Variants in ROPN1L observed in about 807,000 individuals in gnomAD.
ROPN1L encodes the protein ropporin-1-like protein.
Under a neutral mutation model 22.7 loss-of-function variants are expected in ROPN1L, and 23 were observed. The observed-to-expected ratio is 1.01, with a 90% CI of 0.73 to 1.43. The LOEUF (loss-of-function observed/expected upper bound fraction) is 1.43, where lower values mean the gene tolerates loss of function less well. ROPN1L is among the 40% of genes most tolerant of loss of function. ROPN1L has a pLI of 0.00. For missense variants in ROPN1L, 271 were observed against 291.5 expected (o/e 0.93, Z 0.51); for synonymous variants, 116 against 117.8 (o/e 0.98, Z 0.10).
chr5:10,447,220 C>T (rs1741096374), intron 1 of ROPN1L, among the ~76,000 whole-genome samples: 1 of 152,186 alleles, frequency 6.6e-6, no homozygotes, highest in African/African-American at 2.4e-5. Context: ...GATGTGGCTT[C>T]AGCATCGCCA....
Position 10,461,369 on chromosome 5 carries a change from CA to C in ROPN1L, c.593+11del. On this transcript the variant is annotated intron_variant, in intron 4 of 4. Coordinates refer to ENST00000274134, the MANE Select transcript of ROPN1L (RefSeq NM_031916.5). ...CTCTAAAGGAAAATATGTAAGTATG[CA>C]CCCTCTCTAGGATTCAGGTATGTTG... The C allele has an allele frequency of 6.2e-7, 1 of 1,609,250 alleles. No individual in the cohort carries two copies.
downstream of ROPN1L, among the ~76,000 whole-genome samples, chr5:10,476,463 A>G (rs1418238895): frequency 6.6e-6 from 1 of 152,272 alleles, no homozygotes; most frequent in Non-Finnish European, 1.5e-5. Context: ...GTCCTTGTGC[A>G]TCTGCTAGGG....
At chr5:10,454,684 C>A (rs531073111) in intron 3 of ROPN1L, among the ~76,000 whole-genome samples, 2 of 152,338 alleles carry the variant, frequency 1.3e-5, no homozygotes, top group African/African-American at 4.8e-5. Flanking sequence ...TCGTTTACAA[C>A]CACAGATGCA....
At chr5:10,474,160 GAA>G (rs35607791), downstream of ROPN1L, among the ~76,000 whole-genome samples, 680 of 117,182 alleles carry the variant, frequency 5.8e-3, 8 homozygotes, top group African/African-American at 0.018. Flanking sequence ...TCAAAAAAAG[GAA>G]AAAAAAAAAA....
downstream of ROPN1L, among the ~76,000 whole-genome samples, chr5:10,466,185 G>A (rs1371637388): frequency 6.6e-6 from 1 of 152,210 alleles, no homozygotes; most frequent in Admixed American, 6.5e-5. Flanking sequence ...AAACTCGTGC[G>A]AATGCCTGTC....
chr5:10,482,364 C>T, the ROPN1L span: 1 of 152,120 alleles, frequency 6.6e-6, no homozygotes, highest in African/African-American at 2.4e-5. Flanking sequence ...TAAACAGTTC[C>T]TCTTAGGAAG....
chr5:10,466,212 C>T (rs1449277222), downstream of ROPN1L, among the ~76,000 whole-genome samples: 3 of 152,320 alleles, frequency 2.0e-5, no homozygotes, highest in East Asian at 5.8e-4. Flanking sequence ...GCCCAAGGAG[C>T]GAGTGTGGGC....
At chr5:10,449,508 G>C (rs927162972) in intron 2 of ROPN1L, among the ~76,000 whole-genome samples, 27 of 152,284 alleles carry the variant, frequency 1.8e-4, no homozygotes, top group Admixed American at 1.8e-3. Context: ...AACAGAATGA[G>C]ACTGTCCAAA....
rs764312758 is a variant in ROPN1L, at chr5:10,448,387, T to TG, written c.255+11dup. ...CCTGAAAGTTTTGCACAAGCAGGTA[T>TG]GGGGGGGCGTAGTCTCTGGCCTCAG... On this transcript the variant is annotated splice_donor_region_variant and intron_variant, in intron 2 of 4. Coordinates refer to ENST00000274134, the MANE Select transcript of ROPN1L (RefSeq NM_031916.5). The TG allele has an allele frequency of 3.2e-5, 52 of 1,613,614 alleles. No homozygotes were observed. Among genetic ancestry groups the TG allele is most frequent in the Admixed American group, 8.3e-5 (5 of 59,978 alleles).
At chr5:10,470,205 A>C (rs986769746) in intron 4 of ROPN1L, among the ~76,000 whole-genome samples, 2 of 152,252 alleles carry the variant, frequency 1.3e-5, no homozygotes, top group Non-Finnish European at 2.9e-5. Context: ...CATCTCAAGA[A>C]TGAAATGTGT....
intron 4 of ROPN1L, among the ~76,000 whole-genome samples, chr5:10,462,896 T>TAAC (rs957259039): frequency 3.9e-4 from 28 of 70,992 alleles, no homozygotes; most frequent in Non-Finnish European, 8.8e-4. Context: ...TCTCAAATAA[T>TAAC]AACAACAATA....
chr5:10,449,934 G>T lies in ROPN1L; in HGVS notation c.256-18G>T, dbSNP rs1396876757. ...TTTTAAAACATACATAAATTGTCAT[G>T]CTGTGTTTTCCAAACAGTGTCACCA... On this transcript the variant is annotated intron_variant, in intron 2 of 4. Coordinates refer to ENST00000274134, the MANE Select transcript of ROPN1L (RefSeq NM_031916.5). The T allele has an allele frequency of 6.3e-7, 1 of 1,597,880 alleles. No individual in the cohort carries two copies. The highest frequency in any genetic ancestry group is 8.5e-7 in the Non-Finnish European group (1 of 1,171,890).
At chr5:10,449,853 A>C in intron 2 of ROPN1L, 99 bp from the exon 3 acceptor site, 1 of 986,906 alleles carries the variant, frequency 1.0e-6, no homozygotes, top group Non-Finnish European at 1.5e-6. Flanking sequence ...TGTCCCCTGC[A>C]TGGGGCGGGT....
intron 4 of ROPN1L, among the ~76,000 whole-genome samples, chr5:10,462,596 T>C (rs549219576): frequency 6.6e-6 from 1 of 152,314 alleles, no homozygotes; most frequent in Admixed American, 6.5e-5. Context: ...TGTAGCATGT[T>C]AAAAAGTGAG....
chr5:10,463,472 A>G (rs1735081819), intron 4 of ROPN1L, among the ~76,000 whole-genome samples: 1 of 152,124 alleles, frequency 6.6e-6, no homozygotes, highest in Non-Finnish European at 1.5e-5. Flanking sequence ...CCTGGTTAAC[A>G]GCAAGAAAGG....
chr5:10,476,745 A>G (rs2936581), downstream of ROPN1L, among the ~76,000 whole-genome samples: 28,445 of 152,238 alleles, frequency 0.19, 3,818 homozygotes, highest in East Asian at 0.67. Context: ...GAACCCATCA[A>G]TTGTATTTTT....
chr5:10,481,856 C>G, the ROPN1L span: 1 of 152,196 alleles, frequency 6.6e-6, no homozygotes. Context: ...ATAACCAAAC[C>G]TGCTCTCTGC....
intron 1 of ROPN1L, among the ~76,000 whole-genome samples, chr5:10,445,708 TTGAGCTCA>T (rs1741036335): frequency 2.0e-5 from 3 of 152,308 alleles, no homozygotes; most frequent in Non-Finnish European, 2.9e-5. Flanking sequence ...GACAGGTTAC[TTGAGCTCA>T]GGAGCTCGAG....
At chr5:10,461,398 C>T in intron 4 of ROPN1L, 39 bp downstream of exon 4, 1 of 1,561,628 alleles carries the variant, frequency 6.4e-7, no homozygotes, top group South Asian at 1.1e-5. Flanking sequence ...GTATGTTGAC[C>T]ATGGGAGAAT....
Sources: gnomAD v4.1 joint callset for allele counts (sites outside exome capture counted in the v4.1 genomes callset) on GRCh38, gnomAD v4.1.1 for gene constraint, MANE v1.5 for transcripts, NCBI Gene and HGNC (gene_info 2026-07-23, HGNC 2026-07-21) for gene names.